ADAMTS6: variants seen among roughly 807,000 people sequenced by gnomAD.
ADAMTS6 encodes the protein A disintegrin and metalloproteinase with thrombospondin motifs 6.
Under a neutral mutation model 144.3 loss-of-function variants are expected in ADAMTS6, and 23 were observed. The ratio of observed to expected loss-of-function variants is 0.16; its 90% CI spans 0.11 to 0.23. ADAMTS6 has a LOEUF of 0.23. Among genes scored for constraint, ADAMTS6 ranks in the 10% least tolerant of loss-of-function variants. The pLI, the probability that ADAMTS6 is intolerant of heterozygous loss-of-function variation, is 1.00. For missense variants in ADAMTS6, 999 were observed against 1,379.6 expected (o/e 0.72, Z 4.37); for synonymous variants, 444 against 457.5 (o/e 0.97, Z 0.38).
intron 14 of ADAMTS6, among the ~76,000 whole-genome samples, chr5:65,254,937 T>C (rs886913525): frequency 6.6e-6 from 1 of 152,216 alleles, no homozygotes; most frequent in Non-Finnish European, 1.5e-5. Flanking sequence ...TGGTACATAG[T>C]AGTGCTCAGT....
In ADAMTS6 at chr5:65,206,194, GA is replaced by G. The variant is rs571448752; in HGVS notation, c.2575+8599del. ...TTTTAAAAATAACATCCCCAAGACA[GA>G]AAAAAAAAGACTAAGAATTTTACTT... On this transcript the variant is annotated intron_variant, in intron 20 of 24. Coordinates refer to ENST00000381055, the MANE Select transcript of ADAMTS6 (RefSeq NM_197941.4). 5.3e-3 allele frequency among the ~76,000 whole-genome samples: 797 copies of G among 150,010 alleles called. 3 individuals are homozygous for G. The highest frequency in any genetic ancestry group is 9.2e-3 in the Non-Finnish European group (620 of 67,406).
At chr5:65,463,598 T>G (rs138946546) in intron 3 of ADAMTS6, among the ~76,000 whole-genome samples, 70 of 152,314 alleles carry the variant, frequency 4.6e-4, no homozygotes, top group East Asian at 1.4e-3. Flanking sequence ...CCTCTTTCCT[T>G]GAGGTATAAA....
intron 21 of ADAMTS6, among the ~76,000 whole-genome samples, chr5:65,188,922 G>A (rs960198133): frequency 6.6e-6 from 1 of 152,142 alleles, no homozygotes; most frequent in African/African-American, 2.4e-5. Flanking sequence ...TCAATTTCTA[G>A]AAATAAACCT....
At chr5:65,235,455 CG>C (rs1247350120) in intron 15 of ADAMTS6, among the ~76,000 whole-genome samples, 1 of 113,898 alleles carries the variant, frequency 8.8e-6, no homozygotes. Flanking sequence ...AGATCCTGGG[CG>C]TGTCTGTGAG....
chr5:65,439,694 G>A (rs1251041683), intron 7 of ADAMTS6, among the ~76,000 whole-genome samples: 1 of 152,080 alleles, frequency 6.6e-6, no homozygotes, highest in Non-Finnish European at 1.5e-5. Context: ...ATATTATTAA[G>A]ACAACTGATA....
At chr5:65,332,310 TATAGAGAGAGAG>T (rs1452573569) in intron 8 of ADAMTS6, among the ~76,000 whole-genome samples, 3 of 113,582 alleles carry the variant, frequency 2.6e-5, no homozygotes, top group Non-Finnish European at 3.9e-5. Context: ...TATATATATA[TATAGAGAGAGAG>T]AGAGAGAGAG....
chr5:65,156,312 A>G (rs938658420), intron 24 of ADAMTS6, among the ~76,000 whole-genome samples: 14 of 152,080 alleles, frequency 9.2e-5, no homozygotes, highest in Middle Eastern at 3.2e-3. Context: ...AAAAACACAA[A>G]AAAACGAAAA....
intron 8 of ADAMTS6, among the ~76,000 whole-genome samples, chr5:65,332,538 G>C (rs1380666184): frequency 6.6e-6 from 1 of 151,724 alleles, no homozygotes; most frequent in Non-Finnish European, 1.5e-5. Context: ...TAAAAGAATA[G>C]GCAATTTCTA....
At chr5:65,372,987 C>T (rs1228027828) in intron 7 of ADAMTS6, among the ~76,000 whole-genome samples, 1 of 152,216 alleles carries the variant, frequency 6.6e-6, no homozygotes, top group Non-Finnish European at 1.5e-5. Flanking sequence ...GGAAACTGAA[C>T]AAGCTTCTCC....
chr5:65,364,184 C>G (rs760095661), intron 7 of ADAMTS6, among the ~76,000 whole-genome samples: 2 of 152,180 alleles, frequency 1.3e-5, no homozygotes, highest in Admixed American at 1.3e-4. Context: ...ATATGGCTCT[C>G]TCTTCAAATA....
chr5:65,300,187 A>C, intron 9 of ADAMTS6, 56 bp from the exon 10 acceptor site: 2 of 1,527,180 alleles, frequency 1.3e-6, no homozygotes, highest in Non-Finnish European at 1.8e-6. Flanking sequence ...ACCCCAACAC[A>C]TCCCTTATTT....
At chr5:65,405,691 T>C (rs1754400633) in intron 7 of ADAMTS6, among the ~76,000 whole-genome samples, 2 of 152,158 alleles carry the variant, frequency 1.3e-5, no homozygotes, top group South Asian at 4.1e-4. Context: ...AGAAAGTCAT[T>C]GGTAGCTTGA....
Position 65,329,540 on chromosome 5 carries a change from G to C in ADAMTS6, c.1118-57C>G, listed in dbSNP as rs112467346. On this transcript the variant is annotated intron_variant, in intron 8 of 24. Transcript: ENST00000381055. ...AGCCAAGGTGTTTCAGTCTTTAAAAGCCTATATTTATAAATGCCTGGATTC... is the reference window on the plus strand; with the variant it reads ...AGCCAAGGTGTTTCAGTCTTTAAAACCCTATATTTATAAATGCCTGGATTC... 1.1e-5 allele frequency: 16 copies of C among 1,432,614 alleles called. No homozygotes were observed. The African/African-American group carries it at 1.3e-4, about 12-fold the overall frequency. The allele number at this position is 1,432,614 out of a possible 1,614,324, so 88.7% of individuals were successfully genotyped here. A position where few individuals can be genotyped will look rare whatever the true frequency, so the allele number is the denominator to read the frequency against.
intron 7 of ADAMTS6, among the ~76,000 whole-genome samples, chr5:65,373,857 C>G (rs1169815526): frequency 6.6e-6 from 1 of 152,020 alleles, no homozygotes; most frequent in Non-Finnish European, 1.5e-5. Context: ...CAAAAATCCT[C>G]AATAAAATAC....
chr5:65,409,079 G>A (rs185325800), intron 7 of ADAMTS6, among the ~76,000 whole-genome samples: 1 of 151,958 alleles, frequency 6.6e-6, no homozygotes, highest in African/African-American at 2.4e-5. Context: ...CTAACATCAC[G>A]ATTAAAAGAA....
chr5:65,335,182 A>T (rs1747186067), intron 7 of ADAMTS6, among the ~76,000 whole-genome samples: 2 of 152,132 alleles, frequency 1.3e-5, no homozygotes, highest in African/African-American at 4.8e-5. Flanking sequence ...ATTTCTGGAG[A>T]TACCCTCTGT....
intron 15 of ADAMTS6, among the ~76,000 whole-genome samples, chr5:65,240,461 C>T (rs1481933441): frequency 6.6e-6 from 1 of 152,112 alleles, no homozygotes; most frequent in African/African-American, 2.4e-5. Context: ...ACTATAATGA[C>T]TTTTATGGAC....
chr5:65,463,402 G>A (rs901386147), intron 3 of ADAMTS6, among the ~76,000 whole-genome samples: 3 of 152,132 alleles, frequency 2.0e-5, no homozygotes, highest in African/African-American at 7.2e-5. Context: ...ACTGAAGGGA[G>A]GGAAGGGGAG....
intron 9 of ADAMTS6, 61 bp from the exon 10 acceptor site, chr5:65,300,192 T>C: frequency 6.7e-7 from 1 of 1,501,762 alleles, no homozygotes; most frequent in Non-Finnish European, 9.1e-7. Context: ...AACACATCCC[T>C]TATTTCCTTA....
Sources: gnomAD v4.1 joint callset for allele counts (sites outside exome capture counted in the v4.1 genomes callset) on GRCh38, gnomAD v4.1.1 for gene constraint, MANE v1.5 for transcripts, NCBI Gene and HGNC (gene_info 2026-07-23, HGNC 2026-07-21) for gene names.